ZNF616: variants seen among roughly 807,000 people sequenced by gnomAD.
ZNF616 encodes zinc finger protein 616.
In ZNF616, 5 loss-of-function variants were observed where a neutral mutation model predicts 7.6. That is an observed-to-expected ratio of 0.66 (90% CI 0.34 to 1.38). ZNF616 has a LOEUF of 1.38. Ranked by LOEUF, ZNF616 falls within the 40% of genes most tolerant of loss-of-function variation. The pLI is 0.04. For missense variants in ZNF616, 913 were observed against 948.3 expected, an observed-to-expected ratio of 0.96 and a Z score of 0.49; for synonymous variants, 319 against 317.2, an observed-to-expected ratio of 1.01 and a Z score of -0.06.
Position 52,116,418 on chromosome 19 carries a change from A to G in ZNF616, c.746T>C (p.Ile249Thr). ...KSYQCDVCGK[I>T]FRKNSYFVRH... ...TACAAAATATGAATTTTTTCTGAAG[A>G]TCTTGCCACATACATCACATTGATA... The change falls in exon 4 of 4, where the codon ATC (isoleucine) becomes ACC (threonine). Residue 249 changes from isoleucine (I) to threonine (T), a missense_variant. By Grantham distance (89) the Ile-to-Thr change is moderately conservative (BLOSUM62 -1). Coordinates refer to ENST00000600228, the MANE Select transcript of ZNF616 (RefSeq NM_178523.5). 2 of 1,613,380 alleles carry G rather than the reference A, an allele frequency of 1.2e-6. No individual in the cohort carries two copies. Among genetic ancestry groups the G allele is most frequent in the Non-Finnish European group, 1.7e-6 (2 of 1,179,834 alleles).
At chr19:52,124,756 T>C (rs1380498677) in intron 2 of ZNF616, among the ~76,000 whole-genome samples, 1 of 152,144 alleles carries the variant, frequency 6.6e-6, no homozygotes, top group Admixed American at 6.6e-5. Context: ...TTATGAACAA[T>C]AAAAATATAT....
intron 2 of ZNF616, among the ~76,000 whole-genome samples, chr19:52,127,657 T>C (rs113811668): frequency 5.3e-5 from 8 of 152,332 alleles, no homozygotes; most frequent in African/African-American, 1.7e-4. Flanking sequence ...TTTTGTGGTA[T>C]AGCGTCCTAA....
Position 52,117,009 on chromosome 19 carries a change from C to A in ZNF616, c.155G>T (p.Cys52Phe). Residue 52 changes from cysteine (C) to phenylalanine (F), a missense_variant, in exon 4 of 4, where the codon TGT (cysteine) becomes TTT (phenylalanine). Physicochemically the swap from Cys to Phe is radical, Grantham distance 205. Coordinates refer to ENST00000600228, the MANE Select transcript of ZNF616 (RefSeq NM_178523.5). ...TGTTGGTGGTAATTCCTTGATCACA[C>A]ATTTAGGAGAGATACCTGCAAAATA... ...NLVFLGISPK[C>F]VIKELPPTEN... 1.3e-6 allele frequency: 2 copies of A among 1,568,444 alleles called. No individual in the cohort carries two copies. Among genetic ancestry groups the A allele is most frequent in the South Asian group, 2.4e-5 (2 of 83,248 alleles).
At chr19:52,129,971 C>G (rs28437627) in intron 2 of ZNF616, among the ~76,000 whole-genome samples, 1 of 151,922 alleles carries the variant, frequency 6.6e-6, no homozygotes, top group Admixed American at 6.6e-5. Context: ...TCAGTAAAGA[C>G]GAGGTTTCAC....
At position 52,136,143 on chromosome 19, in the gene ZNF616, G is replaced by A. The variant is rs1430956541; in HGVS notation, c.-77+3589C>T. On this transcript the variant is annotated intron_variant, in intron 1 of 3. Coordinates refer to ENST00000600228, the MANE Select transcript of ZNF616 (RefSeq NM_178523.5). ...AGACTTTGTCTCAAAAAAAAAAAAA[G>A]CGGGGGGGGGACAGGGGGCAAAGGA... 1.3e-3 allele frequency among the ~76,000 whole-genome samples: 134 copies of A among 100,842 alleles called. 1 individual carries two copies. Among genetic ancestry groups the A allele is most frequent in the Non-Finnish European group, 2.2e-3 (115 of 51,452 alleles). 66.2% of individuals were successfully genotyped at this position (100,842 alleles called of 152,430 possible). A position where few individuals can be genotyped will look rare whatever the true frequency, so the allele number is the denominator to read the frequency against.
intron 3 of ZNF616, among the ~76,000 whole-genome samples, chr19:52,119,248 G>A (rs1429644858): frequency 2.0e-5 from 3 of 151,958 alleles, no homozygotes; most frequent in Non-Finnish European, 4.4e-5. Context: ...GTGGGGGCAG[G>A]TGTCTGTAAT....
Position 52,115,485 on chromosome 19 carries a change from T to A in ZNF616, c.1679A>T (p.Gln560Leu), listed in dbSNP as rs372249879. The stretch of plus-strand genomic sequence containing the variant: ...CCGATGCACTGTAAGACGTGAACAT[T>A]GACTGAAGACCTTGCCACATTCTTT... ...KCKECGKVFS[Q>L]CSRLTVHRRI... Residue 560 changes from glutamine (Q) to leucine (L), a missense_variant, in exon 4 of 4, where the codon CAA becomes CTA. By Grantham distance (113) the Gln-to-Leu change is moderately radical (BLOSUM62 -2). Coordinates refer to ENST00000600228, the MANE Select transcript of ZNF616 (RefSeq NM_178523.5). 1 of 1,614,074 alleles carries A rather than the reference T, an allele frequency of 6.2e-7. No individual in the cohort carries two copies. Among genetic ancestry groups the A allele is most frequent in the Non-Finnish European group, 8.5e-7 (1 of 1,180,038 alleles).
intron 2 of ZNF616, among the ~76,000 whole-genome samples, chr19:52,128,237 T>C (rs10406854): frequency 0.049 from 7,386 of 151,528 alleles, 504 homozygotes; most frequent in African/African-American, 0.15. Flanking sequence ...ATTTTGAGGC[T>C]ATGGGGAAAA....
chr19:52,128,114 T>G (rs1371306709), intron 2 of ZNF616, among the ~76,000 whole-genome samples: 1 of 151,806 alleles, frequency 6.6e-6, no homozygotes, highest in Non-Finnish European at 1.5e-5. Context: ...TCTGGCAAGA[T>G]TTCCCACTAC....
intron 1 of ZNF616, among the ~76,000 whole-genome samples, chr19:52,132,559 CTTT>C (rs1568562857): frequency 1.3e-5 from 2 of 152,112 alleles, no homozygotes; most frequent in African/African-American, 4.8e-5. Flanking sequence ...TGGTGCTGTT[CTTT>C]ATCACAGTGA....
At chr19:52,132,995 TTAAA>T (rs1292736849) in intron 1 of ZNF616, among the ~76,000 whole-genome samples, 2 of 151,758 alleles carry the variant, frequency 1.3e-5, no homozygotes, top group Non-Finnish European at 2.9e-5. Context: ...GACAAGAAAA[TTAAA>T]CAGAAAGCTC....
chr19:52,114,937 T>G lies in ZNF616; in HGVS notation c.2227A>C (p.Lys743Gln). 5.6e-6 allele frequency: 9 copies of G among 1,614,180 alleles called. No individual in the cohort carries two copies. Among genetic ancestry groups the G allele is most frequent in the Non-Finnish European group, 7.6e-6 (9 of 1,180,034 alleles). Residue 743 changes from lysine (K) to glutamine (Q), a missense_variant, in exon 4 of 4, where the codon AAA becomes CAA. Physicochemically the swap from Lys to Gln is moderately conservative, Grantham distance 53. Transcript: ENST00000600228. ...SKHQRIHSGK[K>Q]PYKCNECGKS... The stretch of plus-strand genomic sequence containing the variant: ...CCACACTCATTACATTTATAAGGTT[T>G]TTTGCCAGAATGAATTCTTTGGTGT...
chr19:52,119,522 C>T (rs948149183), intron 3 of ZNF616, among the ~76,000 whole-genome samples: 3 of 151,890 alleles, frequency 2.0e-5, no homozygotes, highest in East Asian at 1.9e-4. Flanking sequence ...CCAGGTATTC[C>T]GTCTGGAACA....
At chr19:52,128,034 G>T (rs1168251045) in intron 2 of ZNF616, among the ~76,000 whole-genome samples, 2 of 152,024 alleles carry the variant, frequency 1.3e-5, no homozygotes, top group Non-Finnish European at 2.9e-5. Flanking sequence ...AAGAAACCCG[G>T]GTTCCTCCAG....
At chr19:52,134,967 G>C (rs1292382061) in intron 1 of ZNF616, among the ~76,000 whole-genome samples, 1 of 152,146 alleles carries the variant, frequency 6.6e-6, no homozygotes, top group Non-Finnish European at 1.5e-5. Flanking sequence ...GAAAGTAACA[G>C]CTGTATCTTC....
rs770285667 is a variant in ZNF616 at position 52,115,241 on chromosome 19, G to A, written c.1923C>T (p.Ser641=). The change falls in exon 4 of 4, where the codon TCC becomes TCT. Residue 641 remains serine, a synonymous_variant. Transcript: ENST00000600228. The part of the protein sequence containing the change: ...KPYKCNQCGN[S]FSQRVHLRLH... Reference sequence around the variant, plus strand: ...GTCTAAGATGGACACGCTGACTAAAGGAATTCCCACACTGATTGCATTTGT... The same window carrying A: ...GTCTAAGATGGACACGCTGACTAAAAGAATTCCCACACTGATTGCATTTGT... The A allele has an allele frequency of 1.2e-6, 2 of 1,614,078 alleles. No homozygotes were observed. The highest frequency in any genetic ancestry group is 4.5e-5 in the East Asian group (2 of 44,868).
chr19:52,127,417 G>A (rs2088919440), intron 2 of ZNF616, among the ~76,000 whole-genome samples: 1 of 152,120 alleles, frequency 6.6e-6, no homozygotes, highest in Non-Finnish European at 1.5e-5. Flanking sequence ...AATAATTTTG[G>A]AAAGAAAATG....
rs73571268 is a variant in ZNF616, at chr19:52,114,525, C to G, written c.*293G>C. The G allele has an allele frequency of 0.05, 13,711 of 271,732 alleles. 633 individuals are homozygous for G. The highest frequency in any genetic ancestry group is 0.15 in the African/African-American group (6,674 of 45,444). The allele number at this position is 271,732 out of a possible 1,614,324, so 16.8% of individuals were successfully genotyped here. A position where few individuals can be genotyped will look rare whatever the true frequency, so the allele number is the denominator to read the frequency against. ...GTTAAAATCATGGTGGAAGGCAAAG[C>G]GGGTGTCGGTATTTCACATGGTGAG... On this transcript the variant is annotated 3_prime_UTR_variant, in exon 4 of 4. Coordinates refer to ENST00000600228, the MANE Select transcript of ZNF616 (RefSeq NM_178523.5).
At chr19:52,123,894 C>A (rs1384336218) in intron 3 of ZNF616, 29 bp downstream of exon 3, 1 of 1,613,360 alleles carries the variant, frequency 6.2e-7, no homozygotes, top group African/African-American at 1.3e-5. Context: ...AAGGGCGAAT[C>A]TGAACTTCTA....
Sources: allele counts gnomAD v4.1 joint callset (sites outside exome capture counted in the v4.1 genomes callset), GRCh38; gene constraint gnomAD v4.1.1; transcripts MANE v1.5; gene names NCBI Gene and HGNC (gene_info 2026-07-23, HGNC 2026-07-21).